The following OOEP variants were observed in gnomAD, a reference collection of about 807,000 sequenced individuals.
The protein encoded by OOEP is oocyte expressed protein.
Under a neutral mutation model 13.7 loss-of-function variants are expected in OOEP, and 16 were observed. The observed-to-expected ratio is 1.16, with a 90% CI of 0.79 to 1.77. The LOEUF (loss-of-function observed/expected upper bound fraction) is 1.77. OOEP is among the 40% of genes most tolerant of loss of function. The pLI, the probability that OOEP is intolerant of heterozygous loss-of-function variation, is 0.00. For synonymous variants in OOEP, 89 were observed against 77.1 expected (o/e 1.15, Z -0.81); for missense variants, 195 against 193.1 (o/e 1.01, Z -0.06).
In OOEP at chr6:73,382,986, G is replaced by A. The variant is rs535685330; in HGVS notation, c.25+11360C>T. ...CAAGTAACTGGAACTACAGGCATGC[G>A]CCACCATGCACGTCTAATTTTTGTA... On this transcript the variant is annotated intron_variant, in intron 2 of 3. Transcript: ENST00000370363. Among the ~76,000 whole-genome samples the A allele has an allele frequency of 6.7e-5, 10 of 150,142 alleles. No individual in the cohort carries two copies. The South Asian group carries it at 1.3e-3, about 19-fold the overall frequency.
chr6:73,387,504 A>C (rs1235427053), intron 2 of OOEP: 1 of 152,130 alleles, frequency 6.6e-6, no homozygotes, highest in East Asian at 1.9e-4. Context: ...ACAAGAGCAA[A>C]ACTCCATCTC....
At chr6:73,393,068 C>G (rs563808669) in intron 2 of OOEP, among the ~76,000 whole-genome samples, 1 of 152,008 alleles carries the variant, frequency 6.6e-6, no homozygotes, top group Non-Finnish European at 1.5e-5. Flanking sequence ...CCATGCCTGG[C>G]CTGGTGTCCA....
chr6:73,382,850 C>CTTT lies in OOEP; in HGVS notation c.25+11493_25+11495dup, dbSNP rs765716551. Among the ~76,000 whole-genome samples the CTTT allele has an allele frequency of 4.4e-3, 452 of 102,182 alleles. 1 individual carries two copies. The highest frequency in any genetic ancestry group is 5.5e-3 in the Non-Finnish European group (298 of 54,410). The allele number at this position is 102,182 out of a possible 152,430, so 67.0% of individuals were successfully genotyped here. On this transcript the variant is annotated intron_variant, in intron 2 of 3. Transcript: ENST00000370363. ...AGCCAATATGCTCAGTGGTTTTTAA[C>CTTT]TTTTTTTTTTTTTTTTTTTTTTGAG...
chr6:73,370,452 A>G (rs1769032883), upstream of OOEP, among the ~76,000 whole-genome samples: 1 of 152,132 alleles, frequency 6.6e-6, no homozygotes, highest in Non-Finnish European at 1.5e-5. Context: ...TTTTTTCCCA[A>G]TGTTTGTAAT....
chr6:73,381,830 A>G (rs1769213241), intron 2 of OOEP, among the ~76,000 whole-genome samples: 1 of 151,958 alleles, frequency 6.6e-6, no homozygotes, highest in South Asian at 2.1e-4. Context: ...AAAGGCAAAA[A>G]TTAGCCGGGA....
chr6:73,386,024 T>TAGAA (rs1769267314), intron 2 of OOEP, among the ~76,000 whole-genome samples: 2 of 152,116 alleles, frequency 1.3e-5, no homozygotes, highest in Non-Finnish European at 2.9e-5. Flanking sequence ...TACTGGAGGT[T>TAGAA]CTAGCCAGTG....
chr6:73,376,351 T>G (rs1458292146), intron 2 of OOEP, among the ~76,000 whole-genome samples: 7 of 30,750 alleles, frequency 2.3e-4, no homozygotes, highest in Non-Finnish European at 4.4e-4. Flanking sequence ...GTTGTTTTTT[T>G]TTTTTTTTTT....
chr6:73,384,191 T>C (rs1291295348), intron 2 of OOEP, among the ~76,000 whole-genome samples: 2 of 152,138 alleles, frequency 1.3e-5, no homozygotes, highest in Non-Finnish European at 2.9e-5. Context: ...CTATATGACA[T>C]AAATTAGATA....
At chr6:73,390,574 C>A (rs909701801) in intron 2 of OOEP, among the ~76,000 whole-genome samples, 1 of 150,636 alleles carries the variant, frequency 6.6e-6, no homozygotes, top group Non-Finnish European at 1.5e-5. Context: ...TATTTGTTAC[C>A]CAAAAACTTT....
chr6:73,379,721 G>T (rs1447366183), intron 2 of OOEP, among the ~76,000 whole-genome samples: 3 of 150,792 alleles, frequency 2.0e-5, no homozygotes, highest in Non-Finnish European at 4.4e-5. Flanking sequence ...GACAACAGCT[G>T]GTTTCTCATA....
At chr6:73,393,620 T>C (rs545593771) in intron 2 of OOEP, among the ~76,000 whole-genome samples, 90 of 151,618 alleles carry the variant, frequency 5.9e-4, no homozygotes, top group African/African-American at 2.1e-3. Flanking sequence ...GCAGGAGGAG[T>C]TGGATACCAG....
At chr6:73,394,743 TG>T in exon 1 of OOEP, 1 of 999,360 alleles carries the variant, frequency 1.0e-6, no homozygotes, top group East Asian at 2.6e-5. Context: ...GTGAAATCAG[TG>T]CGAAGTGGGC....
upstream of OOEP, among the ~76,000 whole-genome samples, chr6:73,373,859 G>A (rs1410304279): frequency 6.6e-6 from 1 of 152,048 alleles, no homozygotes; most frequent in Non-Finnish European, 1.5e-5. Context: ...AAAGTGCTGA[G>A]ATTATAGCCT....
chr6:73,382,409 G>GA lies in OOEP; in HGVS notation c.25+11936_25+11937insT, dbSNP rs1425507877. On this transcript the variant is annotated intron_variant, in intron 2 of 3. Transcript: ENST00000370363. ...ATTTTTGTATTTTCAGTAGAGATGGGGTTTCACTATCTTGGCCAGGCTGGT... is the reference window on the plus strand; with the variant it reads ...ATTTTTGTATTTTCAGTAGAGATGGGAGTTTCACTATCTTGGCCAGGCTGGT... 2.0e-5 allele frequency among the ~76,000 whole-genome samples: 3 copies of GA among 151,498 alleles called. No individual in the cohort carries two copies. In the East Asian group the frequency reaches 5.8e-4, roughly 29 times the overall value.
intron 2 of OOEP, among the ~76,000 whole-genome samples, chr6:73,384,378 T>G (rs930076104): frequency 4.6e-5 from 7 of 152,220 alleles, no homozygotes; most frequent in Admixed American, 3.3e-4. Context: ...GGAGAACTAA[T>G]GTCAATCTTT....
At chr6:73,383,487 T>C (rs1181322679) in intron 2 of OOEP, among the ~76,000 whole-genome samples, 1 of 152,052 alleles carries the variant, frequency 6.6e-6, no homozygotes, top group Non-Finnish European at 1.5e-5. Context: ...AATACAAAAT[T>C]AGCTGGGTGT....
At chr6:73,376,452 A>G (rs756440113) in intron 2 of OOEP, among the ~76,000 whole-genome samples, 5 of 132,606 alleles carry the variant, frequency 3.8e-5, no homozygotes, top group Non-Finnish European at 7.8e-5. Context: ...ATCCTTATAC[A>G]TACAGCCCAA....
At chr6:73,378,338 C>T (rs62440591) in intron 2 of OOEP, among the ~76,000 whole-genome samples, 48 of 151,960 alleles carry the variant, frequency 3.2e-4, no homozygotes, top group African/African-American at 8.4e-4. Flanking sequence ...CTCCTGAGCT[C>T]GAGCAATCCA....
At chr6:73,382,748 C>T (rs1418424986) in intron 2 of OOEP, among the ~76,000 whole-genome samples, 2 of 151,498 alleles carry the variant, frequency 1.3e-5, no homozygotes, top group African/African-American at 2.4e-5. Flanking sequence ...GAGATGGGAT[C>T]TCACTATGTT....
Sources: allele counts gnomAD v4.1 joint callset (sites outside exome capture counted in the v4.1 genomes callset), GRCh38; gene constraint gnomAD v4.1.1; transcripts MANE v1.5; gene names NCBI Gene and HGNC (gene_info 2026-07-23, HGNC 2026-07-21).